Variants in FANCA observed in about 807,000 individuals in gnomAD.
FANCA encodes the protein Fanconi anemia group A protein.
FANCA carries 236 observed loss-of-function variants against 194.3 expected under a neutral mutation model. The ratio of observed to expected loss-of-function variants is 1.21; its 90% CI spans 1.09 to 1.35. The LOEUF is 1.35. Ranked by LOEUF, FANCA falls within the 40% of genes most tolerant of loss-of-function variation. The probability of loss-of-function intolerance (pLI) is 0.00; values close to 1 mark genes in which losing one functional copy is unlikely to be tolerated. For synonymous variants in FANCA, 1,014 were observed against 715.8 expected (o/e 1.42, Z -6.65); for missense variants, 2,628 against 1,813.9 (o/e 1.45, Z -8.15).
chr16:89,746,653 G>A lies in FANCA; in HGVS notation c.3444C>T (p.Pro1148=). The A allele has an allele frequency of 6.2e-7, 1 of 1,614,170 alleles. No homozygotes were observed. Among genetic ancestry groups the A allele is most frequent in the African/African-American group, 1.3e-5 (1 of 75,066 alleles). The change falls in exon 35 of 43, where the codon CCC becomes CCT. Residue 1148 remains proline (P), a synonymous_variant. Transcript: ENST00000389301. The part of the protein sequence containing the change: ...LLNACLRSRD[P]SLMVDFILAK... ...CCAGTATGAAGTCGACCATCAGGGA[G>A]GGGTCTCTGCTCCGCAGACAGGCGT...
At position 89,760,449 on chromosome 16, in the gene FANCA, C is replaced by T. The variant is rs17233315; in HGVS notation, c.2852+1500G>A. Among the ~76,000 whole-genome samples the T allele has an allele frequency of 2.5e-3, 376 of 152,328 alleles. 2 individuals carry two copies. Among genetic ancestry groups the T allele is most frequent in the African/African-American group, 8.6e-3 (356 of 41,566 alleles). On this transcript the variant is annotated intron_variant, in intron 29 of 42. Transcript: ENST00000389301. Reference sequence around the variant, plus strand: ...GGAAGGCCCCTGATGGCCGGAAGGACGAGGAGCACAGGGTGGCTGTTGCCA... The same window carrying T: ...GGAAGGCCCCTGATGGCCGGAAGGATGAGGAGCACAGGGTGGCTGTTGCCA...
intron 2 of FANCA, among the ~76,000 whole-genome samples, chr16:89,814,991 G>A (rs972957682): frequency 6.6e-6 from 1 of 152,086 alleles, no homozygotes; most frequent in African/African-American, 2.4e-5. Flanking sequence ...TTCAAGATCT[G>A]TGCATAAACA....
chr16:89,759,933 A>G (rs1159400509), intron 29 of FANCA, among the ~76,000 whole-genome samples: 1 of 151,856 alleles, frequency 6.6e-6, no homozygotes, highest in African/African-American at 2.4e-5. Context: ...GCTGTGCGGG[A>G]CCTGGGTGCT....
intron 37 of FANCA, among the ~76,000 whole-genome samples, chr16:89,742,076 C>T (rs1439612695): frequency 6.6e-6 from 1 of 152,126 alleles, no homozygotes; most frequent in African/African-American, 2.4e-5. Context: ...AGTGATCCTC[C>T]TGCCTCAGCC....
chr16:89,771,837 G>C (rs990697941), intron 22 of FANCA, 23 bp from the exon 23 acceptor site: 1 of 1,612,952 alleles, frequency 6.2e-7, no homozygotes, highest in African/African-American at 1.3e-5. Context: ...AAACTAGTTA[G>C]GGATGACAAG....
intron 38 of FANCA, chr16:89,740,515 A>C: frequency 2.0e-6 from 1 of 498,538 alleles, no homozygotes; most frequent in Non-Finnish European, 3.6e-6. Context: ...TCACGCCTGT[A>C]ATCCCAGCTA....
At chr16:89,738,828 A>C (rs747475688) in intron 42 of FANCA, 54 bp downstream of exon 42, 7 of 1,614,142 alleles carry the variant, frequency 4.3e-6, no homozygotes, top group Non-Finnish European at 5.9e-6. Context: ...TGGCCCAGGC[A>C]GCTGTCAATT....
intron 33 of FANCA, 75 bp from the exon 34 acceptor site, chr16:89,746,965 T>C: frequency 7.3e-7 from 1 of 1,364,186 alleles, no homozygotes; most frequent in Admixed American, 2.0e-5. Context: ...GTGGCTGCTG[T>C]GGATTCAGTT....
At chr16:89,769,782 T>C (rs948677954) in intron 26 of FANCA, 55 bp downstream of exon 26, 40 of 1,585,364 alleles carry the variant, frequency 2.5e-5, no homozygotes, top group Admixed American at 3.5e-5. Flanking sequence ...CAAACGAGCA[T>C]GTGTCACTTT....
chr16:89,777,200 G>C (rs1048449303), intron 20 of FANCA, among the ~76,000 whole-genome samples: 4 of 149,988 alleles, frequency 2.7e-5, no homozygotes, highest in African/African-American at 4.9e-5. Context: ...GGAGGCGGAG[G>C]GGGAAGGATT....
chr16:89,777,202 G>C (rs942700422), intron 20 of FANCA, among the ~76,000 whole-genome samples: 15 of 151,624 alleles, frequency 9.9e-5, no homozygotes, highest in African/African-American at 3.6e-4. Flanking sequence ...AGGCGGAGGG[G>C]GAAGGATTGT....
rs2039290343 is a variant in FANCA at position 89,770,616 on chromosome 16, T to A, written c.2170A>T (p.Thr724Ser). 6.2e-7 allele frequency: 1 copy of A among 1,611,320 alleles called. No individual in the cohort carries two copies. The highest frequency in any genetic ancestry group is 8.5e-7 in the Non-Finnish European group (1 of 1,178,858). Residue 724 changes from threonine to serine, a missense_variant, in exon 24 of 43, where the codon ACG (threonine) becomes TCG (serine). Physicochemically the swap from Thr to Ser is moderately conservative, Grantham distance 58. Coordinates refer to ENST00000389301, the MANE Select transcript of FANCA (RefSeq NM_000135.4). ...REHMAVDLLL[T>S]SFCQNLMAAS... The stretch of plus-strand genomic sequence containing the variant: ...GCCATCAGGTTCTGACAGAAAGACG[T>A]CAGCAGGAGGTCCACAGCCTGCAGA...
chr16:89,816,133 G>A (rs1450498459), intron 1 of FANCA, 147 bp from the exon 2 acceptor site: 2 of 704,538 alleles, frequency 2.8e-6, no homozygotes, highest in African/African-American at 1.8e-5. Context: ...CGCAGGTCTC[G>A]GGAAACTAAC....
Position 89,782,839 on chromosome 16 carries a change from C to A in FANCA, c.1626+20G>T, listed in dbSNP as rs755871523. 1.2e-6 allele frequency: 2 copies of A among 1,610,228 alleles called. No homozygotes were observed. The highest frequency in any genetic ancestry group is 1.7e-6 in the Non-Finnish European group (2 of 1,176,622). On this transcript the variant is annotated intron_variant, in intron 17 of 42. Transcript: ENST00000389301. The stretch of plus-strand genomic sequence containing the variant: ...GTGGGCGTGACTGGCTGAGACCCTG[C>A]AGGGCTCAAGCAACATTACCTCAGT...
intron 20 of FANCA, chr16:89,778,229 G>T (rs917183223): frequency 5.7e-6 from 1 of 174,014 alleles, no homozygotes; most frequent in African/African-American, 2.5e-5. Flanking sequence ...CTGTGAGGAT[G>T]AGGTGGGTAG....
chr16:89,776,611 A>T (rs2039515429), intron 20 of FANCA, among the ~76,000 whole-genome samples: 1 of 151,442 alleles, frequency 6.6e-6, no homozygotes, highest in South Asian at 2.1e-4. Flanking sequence ...GCAGATCAGG[A>T]GGTCAGGAGA....
intron 38 of FANCA, 115 bp downstream of exon 38, chr16:89,740,689 A>C (rs2062110230): frequency 2.4e-6 from 2 of 822,888 alleles, no homozygotes; most frequent in African/African-American, 1.7e-5. Flanking sequence ...ACACTTCCGC[A>C]AACACAAGGA....
At position 89,770,069 on chromosome 16, in the gene FANCA, G is replaced by C. The variant is rs142750590; in HGVS notation, c.2317-45C>G. 492 of 1,599,396 alleles carry C rather than the reference G, an allele frequency of 3.1e-4. 2 individuals are homozygous for C. The African/African-American group carries it at 6.0e-3, about 20-fold the overall frequency. On this transcript the variant is annotated intron_variant, in intron 25 of 42. Coordinates refer to ENST00000389301, the MANE Select transcript of FANCA (RefSeq NM_000135.4). ...GGCAGAGCAGACTGCCCTCTTCCAA[G>C]CTGGAATTTTCCAGGGCACTGAAGA...
chr16:89,758,526 C>T (rs779801191), intron 30 of FANCA, 51 bp downstream of exon 30: 10 of 1,600,722 alleles, frequency 6.2e-6, no homozygotes, highest in East Asian at 2.2e-5. Context: ...TTATATATAT[C>T]CTATTAGTCC....
Sources: allele counts gnomAD v4.1 joint callset (sites outside exome capture counted in the v4.1 genomes callset), GRCh38; gene constraint gnomAD v4.1.1; transcripts MANE v1.5; gene names NCBI Gene and HGNC (gene_info 2026-07-23, HGNC 2026-07-21).